Variants in UTRN observed in about 807,000 individuals in gnomAD.
UTRN encodes the protein dystrophin-related protein 1.
Under a neutral mutation model 463.9 loss-of-function variants are expected in UTRN, and 283 were observed. The ratio of observed to expected loss-of-function variants is 0.61; its 90% confidence interval spans 0.55 to 0.67. UTRN has a LOEUF of 0.67. Ranked by LOEUF, UTRN falls within the 30% of genes least tolerant of loss-of-function variation. UTRN has a pLI of 0.00. For synonymous variants in UTRN, 1,442 were observed against 1,431.5 expected, an observed-to-expected ratio of 1.01 and a Z score of -0.17; for missense variants, 3,922 against 4,084.3, an observed-to-expected ratio of 0.96 and a Z score of 1.08.
intron 51 of UTRN, among the ~76,000 whole-genome samples, chr6:144,664,810 A>G (rs1780220974): frequency 1.3e-5 from 2 of 151,528 alleles, no homozygotes; most frequent in Admixed American, 1.3e-4. Flanking sequence ...CTGTTTCAAA[A>G]CATATTTACA....
chr6:144,731,401 C>T (rs141326223), intron 54 of UTRN, among the ~76,000 whole-genome samples: 1 of 152,242 alleles, frequency 6.6e-6, no homozygotes, highest in Non-Finnish European at 1.5e-5. Context: ...ACATGCCATT[C>T]AAAATCGTTT....
intron 62 of UTRN, among the ~76,000 whole-genome samples, chr6:144,793,375 A>G (rs1441505504): frequency 6.6e-6 from 1 of 151,966 alleles, no homozygotes; most frequent in Non-Finnish European, 1.5e-5. Context: ...TCTCCAGTAG[A>G]TGAGATTACA....
At chr6:144,824,363 G>A (rs543671430) in intron 66 of UTRN, among the ~76,000 whole-genome samples, 2 of 146,862 alleles carry the variant, frequency 1.4e-5, no homozygotes, top group African/African-American at 2.5e-5. Flanking sequence ...GCACTAAAAG[G>A]GTCATTAAGT....
chr6:144,772,819 C>T (rs1405132846), intron 59 of UTRN, among the ~76,000 whole-genome samples: 1 of 152,062 alleles, frequency 6.6e-6, no homozygotes, highest in Non-Finnish European at 1.5e-5. Flanking sequence ...ATTGTTTAAC[C>T]TACTTCCTCT....
At chr6:144,626,594 C>T (rs1349231356) in intron 51 of UTRN, among the ~76,000 whole-genome samples, 2 of 152,208 alleles carry the variant, frequency 1.3e-5, no homozygotes, top group African/African-American at 2.4e-5. Flanking sequence ...CACTCAGTTT[C>T]CCCCAACACT....
chr6:144,738,701 G>A (rs1236923645), intron 54 of UTRN, among the ~76,000 whole-genome samples: 1 of 152,098 alleles, frequency 6.6e-6, no homozygotes, highest in Non-Finnish European at 1.5e-5. Context: ...TCCTCTTCTT[G>A]TGATATTTTT....
At chr6:144,557,783 A>G (rs1799524338) in intron 50 of UTRN, among the ~76,000 whole-genome samples, 1 of 152,084 alleles carries the variant, frequency 6.6e-6, no homozygotes. Flanking sequence ...TGCATTTAGG[A>G]TTTTAGTTAA....
chr6:144,635,485 G>C (rs1383635457), intron 51 of UTRN, among the ~76,000 whole-genome samples: 6 of 123,442 alleles, frequency 4.9e-5, no homozygotes, highest in Admixed American at 1.7e-4. Context: ...AGACTTCTCA[G>C]TATTACTTAG....
At chr6:144,752,296 A>ATT (rs375168967) in intron 56 of UTRN, among the ~76,000 whole-genome samples, 18 of 149,226 alleles carry the variant, frequency 1.2e-4, no homozygotes, top group Non-Finnish European at 1.9e-4. Context: ...TTCATCATGT[A>ATT]TTTTTTTTTT....
chr6:144,611,880 G>A (rs2128642875), intron 51 of UTRN, among the ~76,000 whole-genome samples: 1 of 152,190 alleles, frequency 6.6e-6, no homozygotes, highest in Non-Finnish European at 1.5e-5. Context: ...ATCCACAAAT[G>A]ATTCTAAATA....
At chr6:144,375,638 C>T (rs1780386948) in intron 2 of UTRN, among the ~76,000 whole-genome samples, 1 of 152,122 alleles carries the variant, frequency 6.6e-6, no homozygotes, top group Non-Finnish European at 1.5e-5. Context: ...TTTGCTTTTG[C>T]CTGGCTACTG....
At chr6:144,403,092 T>C in intron 2 of UTRN, 31 bp from the exon 3 acceptor site, 1 of 1,600,054 alleles carries the variant, frequency 6.2e-7, no homozygotes. Context: ...CTCTCATACT[T>C]TTTCCTTCTC....
intron 51 of UTRN, among the ~76,000 whole-genome samples, chr6:144,587,751 A>T (rs889966276): frequency 6.6e-6 from 1 of 152,038 alleles, no homozygotes; most frequent in African/African-American, 2.4e-5. Context: ...CTTTAACATG[A>T]TCTGATTGTT....
intron 69 of UTRN, among the ~76,000 whole-genome samples, chr6:144,832,266 A>G (rs1780733965): frequency 6.6e-6 from 1 of 152,222 alleles, no homozygotes; most frequent in Non-Finnish European, 1.5e-5. Context: ...AAAAACACTT[A>G]AGACTAAAAT....
chr6:144,566,131 G>A (rs1045788608), intron 50 of UTRN, among the ~76,000 whole-genome samples: 5 of 152,182 alleles, frequency 3.3e-5, no homozygotes, highest in African/African-American at 1.2e-4. Flanking sequence ...ACGAGAAGGT[G>A]AGTTTAGATG....
intron 62 of UTRN, 66 bp from the exon 63 acceptor site, chr6:144,793,768 A>G: frequency 1.9e-6 from 3 of 1,557,978 alleles, no homozygotes; most frequent in Middle Eastern, 3.5e-4. Context: ...CACATTACCA[A>G]AGATATATTT....
At chr6:144,298,207 G>T (rs1317645189) in intron 2 of UTRN, among the ~76,000 whole-genome samples, 1 of 151,980 alleles carries the variant, frequency 6.6e-6, no homozygotes, top group Admixed American at 6.6e-5. Flanking sequence ...ATAATAAATA[G>T]ACTTATTTCA....
At chr6:144,352,154 G>A (rs1372805600) in intron 2 of UTRN, among the ~76,000 whole-genome samples, 1 of 152,084 alleles carries the variant, frequency 6.6e-6, no homozygotes, top group Admixed American at 6.6e-5. Context: ...ACTTTCTACT[G>A]AGGTAACTCT....
chr6:144,522,681 C>A (rs573385862), intron 40 of UTRN, among the ~76,000 whole-genome samples: 1 of 152,200 alleles, frequency 6.6e-6, no homozygotes, highest in South Asian at 2.1e-4. Context: ...TTTAAACTAA[C>A]ATTATTAGAT....
Sources: gnomAD v4.1 joint callset for allele counts (sites outside exome capture counted in the v4.1 genomes callset) on GRCh38, gnomAD v4.1.1 for gene constraint, MANE v1.5 for transcripts, NCBI Gene and HGNC (gene_info 2026-07-23, HGNC 2026-07-21) for gene names.